The following MRTFA variants were observed in gnomAD, a reference collection of about 807,000 sequenced individuals.
The protein encoded by MRTFA is myocardin related transcription factor A.
MRTFA carries 20 observed loss-of-function variants against 83.5 expected under a neutral mutation model. The observed-to-expected ratio is 0.24, with a 90% CI of 0.17 to 0.35. MRTFA has a LOEUF of 0.35. MRTFA is among the 10% of genes least tolerant of loss of function. The pLI is 1.00. For synonymous variants in MRTFA, 659 were observed against 541.2 expected, an observed-to-expected ratio of 1.22 and a Z score of -3.02; for missense variants, 1,200 against 1,224.7, an observed-to-expected ratio of 0.98 and a Z score of 0.30.
intron 3 of MRTFA, among the ~76,000 whole-genome samples, chr22:40,494,595 C>T (rs2054320185): frequency 6.6e-6 from 1 of 151,794 alleles, no homozygotes; most frequent in South Asian, 2.1e-4. Flanking sequence ...GTAGGAGCAT[C>T]ACTCGAGCCC....
At chr22:40,422,421 C>T (rs1470910742) in intron 9 of MRTFA, among the ~76,000 whole-genome samples, 1 of 152,176 alleles carries the variant, frequency 6.6e-6, no homozygotes, top group African/African-American at 2.4e-5. Context: ...AGGAGAAGCA[C>T]ATTGGAGGAA....
intron 3 of MRTFA, among the ~76,000 whole-genome samples, chr22:40,541,603 C>T (rs1412944087): frequency 6.6e-6 from 1 of 152,186 alleles, no homozygotes; most frequent in Non-Finnish European, 1.5e-5. Flanking sequence ...GAGGATCACA[C>T]ATTACCACAG....
intron 3 of MRTFA, among the ~76,000 whole-genome samples, chr22:40,476,294 C>T (rs951278926): frequency 6.6e-6 from 1 of 152,082 alleles, no homozygotes; most frequent in African/African-American, 2.4e-5. Flanking sequence ...CCTGATACAG[C>T]CTAAAAAGAT....
At chr22:40,512,675 C>T (rs1645848245) in intron 3 of MRTFA, among the ~76,000 whole-genome samples, 1 of 152,192 alleles carries the variant, frequency 6.6e-6, no homozygotes, top group Non-Finnish European at 1.5e-5. Context: ...TCACAAGCTG[C>T]CAAATCCATG....
intron 4 of MRTFA, among the ~76,000 whole-genome samples, chr22:40,439,504 C>CAAAAAAAAA (rs756033541): frequency 3.1e-5 from 1 of 32,130 alleles, no homozygotes; most frequent in Non-Finnish European, 6.3e-5. Context: ...GACTCTGTCT[C>CAAAAAAAAA]AAAAAAAAAA....
At chr22:40,600,099 C>A (rs2056241636) in intron 1 of MRTFA, among the ~76,000 whole-genome samples, 1 of 151,306 alleles carries the variant, frequency 6.6e-6, no homozygotes, top group South Asian at 2.1e-4. Flanking sequence ...TTAAGCAGTC[C>A]ACCTCAACAG....
chr22:40,449,967 A>C (rs1284055043), intron 4 of MRTFA, among the ~76,000 whole-genome samples: 3 of 152,236 alleles, frequency 2.0e-5, no homozygotes, highest in Admixed American at 2.0e-4. Context: ...CTTAGCACCC[A>C]AAAGGTGAGG....
At chr22:40,579,516 A>C (rs1569337748) in intron 2 of MRTFA, among the ~76,000 whole-genome samples, 1 of 152,174 alleles carries the variant, frequency 6.6e-6, no homozygotes, top group Non-Finnish European at 1.5e-5. Context: ...GAACATCTGA[A>C]AGAGGGCAGT....
chr22:40,507,666 G>C (rs1188936327), intron 3 of MRTFA, among the ~76,000 whole-genome samples: 1 of 150,460 alleles, frequency 6.6e-6, no homozygotes, highest in Non-Finnish European at 1.5e-5. Context: ...GTTATTTCAA[G>C]GACTAAAGAA....
intron 3 of MRTFA, among the ~76,000 whole-genome samples, chr22:40,493,163 A>C (rs1280398743): frequency 6.6e-6 from 1 of 152,198 alleles, no homozygotes; most frequent in Admixed American, 6.5e-5. Context: ...AGGCAACTGA[A>C]AAATCTACCC....
intron 4 of MRTFA, among the ~76,000 whole-genome samples, chr22:40,453,561 C>T (rs1179520139): frequency 6.6e-6 from 1 of 152,078 alleles, no homozygotes; most frequent in African/African-American, 2.4e-5. Context: ...TGGACTAGAG[C>T]GTATGAGAGA....
intron 4 of MRTFA, among the ~76,000 whole-genome samples, chr22:40,459,586 G>A (rs994109063): frequency 1.3e-5 from 2 of 151,460 alleles, no homozygotes; most frequent in Non-Finnish European, 2.9e-5. Context: ...TTTAGAATCC[G>A]GGCTCCTGAC....
At chr22:40,442,274 G>A (rs1029436928) in intron 4 of MRTFA, among the ~76,000 whole-genome samples, 3 of 152,178 alleles carry the variant, frequency 2.0e-5, no homozygotes, top group East Asian at 1.9e-4. Context: ...CTGATAATAC[G>A]CCAGAAGCTC....
chr22:40,495,949 C>T (rs542588343), intron 3 of MRTFA, among the ~76,000 whole-genome samples: 6 of 151,592 alleles, frequency 4.0e-5, no homozygotes, highest in Admixed American at 3.9e-4. Flanking sequence ...GCCTGTAATC[C>T]CAGCTACTCG....
intron 2 of MRTFA, among the ~76,000 whole-genome samples, chr22:40,566,598 A>C (rs1259655274): frequency 6.6e-6 from 1 of 152,080 alleles, no homozygotes; most frequent in East Asian, 2.0e-4. Flanking sequence ...TGGGAGGCCC[A>C]AGGCTGATGG....
chr22:40,595,152 G>A (rs376846782), intron 1 of MRTFA, among the ~76,000 whole-genome samples: 70 of 128,726 alleles, frequency 5.4e-4, no homozygotes, highest in African/African-American at 1.9e-3. Flanking sequence ...AAGGAGTCTC[G>A]CTCTGTCGCC....
At chr22:40,429,394 T>C (rs2147090312) in intron 7 of MRTFA, 1 of 692,438 alleles carries the variant, frequency 1.4e-6, no homozygotes, top group Non-Finnish European at 2.7e-6. Context: ...TATTGTTGTA[T>C]GTCCCTGTTT....
intron 9 of MRTFA, among the ~76,000 whole-genome samples, chr22:40,421,790 G>A (rs2052846119): frequency 6.6e-6 from 1 of 152,192 alleles, no homozygotes. Context: ...GTTAGCAAGG[G>A]AGTGCCAGAG....
intron 2 of MRTFA, among the ~76,000 whole-genome samples, chr22:40,594,456 T>C (rs377403275): frequency 1.5e-4 from 23 of 152,158 alleles, no homozygotes; most frequent in African/African-American, 5.1e-4. Flanking sequence ...GGTTATGTTG[T>C]TTCTTAGCAT....
Sources: gnomAD v4.1 joint callset for allele counts (sites outside exome capture counted in the v4.1 genomes callset) on GRCh38, gnomAD v4.1.1 for gene constraint, MANE v1.5 for transcripts, NCBI Gene and HGNC (gene_info 2026-07-23, HGNC 2026-07-21) for gene names.